Variants in HIP1 observed in about 807,000 individuals in gnomAD.
HIP1 encodes huntingtin interacting protein 1.
HIP1 carries 65 observed loss-of-function variants against 147.6 expected under a neutral mutation model. The observed-to-expected ratio is 0.44, with a 90% CI of 0.36 to 0.54. The LOEUF is 0.54. Among genes scored for constraint, HIP1 ranks in the 20% least tolerant of loss-of-function variants. The pLI is 0.00. For missense variants in HIP1, 1,061 were observed against 1,299.6 expected, an observed-to-expected ratio of 0.82 and a Z score of 2.82; for synonymous variants, 479 against 504.0, an observed-to-expected ratio of 0.95 and a Z score of 0.67.
intron 1 of HIP1, among the ~76,000 whole-genome samples, chr7:75,733,986 CT>C (rs1801927314): frequency 6.6e-6 from 1 of 151,994 alleles, no homozygotes; most frequent in Admixed American, 6.6e-5. Flanking sequence ...TGGCTTATAC[CT>C]GTAATCCCAG....
At chr7:75,722,135 C>G (rs782679709) in intron 1 of HIP1, among the ~76,000 whole-genome samples, 2 of 152,040 alleles carry the variant, frequency 1.3e-5, no homozygotes, top group Non-Finnish European at 2.9e-5. Context: ...GAGACCCCCC[C>G]ACGTCTCTAA....
intron 1 of HIP1, among the ~76,000 whole-genome samples, chr7:75,690,202 C>G: frequency 6.6e-6 from 1 of 151,994 alleles, no homozygotes; most frequent in Middle Eastern, 3.2e-3. Context: ...CGGCTGAGCA[C>G]AAGGCTGCTC....
intron 1 of HIP1, among the ~76,000 whole-genome samples, chr7:75,700,661 G>A (rs1204346419): frequency 6.6e-6 from 1 of 151,916 alleles, no homozygotes; most frequent in Non-Finnish European, 1.5e-5. Context: ...GAAAACCAAC[G>A]AGAAGGGGAC....
chr7:75,675,597 C>CT lies in HIP1; in HGVS notation c.120+63203_120+63204insA, dbSNP rs1554515875. ...ATTTCTATCTGTTAATTCATCATCT[C>CT]CCTCTCTCTTTGAAATTCTGTTTTC... On this transcript the variant is annotated intron_variant, in intron 1 of 30. Transcript: ENST00000336926. 1.0e-3 allele frequency among the ~76,000 whole-genome samples: 158 copies of CT among 151,994 alleles called. 1 individual carries two copies. Among genetic ancestry groups the CT allele is most frequent in the African/African-American group, 3.6e-3 (149 of 41,424 alleles).
chr7:75,559,210 G>A (rs1159844260), intron 14 of HIP1, among the ~76,000 whole-genome samples: 1 of 152,132 alleles, frequency 6.6e-6, no homozygotes, highest in Non-Finnish European at 1.5e-5. Flanking sequence ...GAATTCCTGG[G>A]CTCAAGCGAT....
At chr7:75,671,584 G>A (rs1275541288) in intron 1 of HIP1, among the ~76,000 whole-genome samples, 1 of 152,132 alleles carries the variant, frequency 6.6e-6, no homozygotes. Flanking sequence ...AAACCCACAA[G>A]TGGAATTGCT....
chr7:75,543,513 G>A (rs747913279), intron 27 of HIP1, among the ~76,000 whole-genome samples: 59 of 151,932 alleles, frequency 3.9e-4, no homozygotes, highest in Non-Finnish European at 5.3e-4. Context: ...CACCACACCC[G>A]GCTAATTTTT....
At chr7:75,730,859 C>T (rs1432241174) in intron 1 of HIP1, among the ~76,000 whole-genome samples, 2 of 151,194 alleles carry the variant, frequency 1.3e-5, no homozygotes, top group Non-Finnish European at 2.9e-5. Flanking sequence ...TTCAGCCTCC[C>T]GAGTAGCTGG....
chr7:75,732,805 C>T (rs1349329973), intron 1 of HIP1, among the ~76,000 whole-genome samples: 3 of 152,144 alleles, frequency 2.0e-5, no homozygotes, highest in Admixed American at 6.6e-5. Context: ...GTACCCAGGG[C>T]TGTGGTGAAC....
intron 1 of HIP1, among the ~76,000 whole-genome samples, chr7:75,692,652 A>C (rs1269924964): frequency 6.6e-6 from 1 of 151,166 alleles, no homozygotes; most frequent in Non-Finnish European, 1.5e-5. Context: ...CTGGTCTCAA[A>C]CTTCTGGCAT....
chr7:75,597,495 T>C (rs1796790644), intron 2 of HIP1, among the ~76,000 whole-genome samples: 3 of 152,106 alleles, frequency 2.0e-5, no homozygotes, highest in Admixed American at 2.0e-4. Context: ...ATTCCAGCAC[T>C]TTGGGAGGCC....
intron 1 of HIP1, among the ~76,000 whole-genome samples, chr7:75,703,942 G>A (rs1402188477): frequency 2.0e-5 from 3 of 152,154 alleles, no homozygotes; most frequent in Non-Finnish European, 2.9e-5. Flanking sequence ...AGCCTTTGGT[G>A]AAGAGTCTAG....
intron 1 of HIP1, chr7:75,654,640 A>C (rs1195022468): frequency 6.6e-6 from 1 of 152,268 alleles, no homozygotes; most frequent in Non-Finnish European, 1.5e-5. Flanking sequence ...AACTCGGTTA[A>C]GAACAGGGCT....
chr7:75,704,105 T>C (rs1372286823), intron 1 of HIP1, among the ~76,000 whole-genome samples: 2 of 152,016 alleles, frequency 1.3e-5, no homozygotes, highest in Non-Finnish European at 2.9e-5. Context: ...CCTCCATAAG[T>C]CAAGACACAT....
intron 29 of HIP1, among the ~76,000 whole-genome samples, chr7:75,541,332 C>T (rs191821774): frequency 1.2e-4 from 18 of 152,196 alleles, no homozygotes; most frequent in African/African-American, 4.1e-4. Flanking sequence ...AGATCGAGAC[C>T]ATCCTGGCTA....
intron 1 of HIP1, among the ~76,000 whole-genome samples, chr7:75,677,434 G>A (rs1249791453): frequency 1.3e-5 from 2 of 149,458 alleles, no homozygotes; most frequent in Non-Finnish European, 3.0e-5. Context: ...GTGAAACCCC[G>A]TCTCTGCTTG....
intron 8 of HIP1, among the ~76,000 whole-genome samples, chr7:75,569,728 A>G (rs992487540): frequency 1.3e-5 from 2 of 152,168 alleles, no homozygotes; most frequent in Admixed American, 1.3e-4. Context: ...CAGGAGAAAA[A>G]CATCAGGCAA....
intron 2 of HIP1, among the ~76,000 whole-genome samples, chr7:75,593,823 T>C (rs1796587069): frequency 6.6e-6 from 1 of 151,922 alleles, no homozygotes; most frequent in African/African-American, 2.4e-5. Context: ...TCTGTAAACC[T>C]CAACACCCCA....
chr7:75,641,149 T>C (rs1798637851), intron 1 of HIP1, among the ~76,000 whole-genome samples: 1 of 151,658 alleles, frequency 6.6e-6, no homozygotes, highest in African/African-American at 2.4e-5. Context: ...CTACTAAAAA[T>C]ACAAAAATTA....
Sources: gnomAD v4.1 joint callset for allele counts (sites outside exome capture counted in the v4.1 genomes callset) on GRCh38, gnomAD v4.1.1 for gene constraint, MANE v1.5 for transcripts, NCBI Gene and HGNC (gene_info 2026-07-23, HGNC 2026-07-21) for gene names.